The following RNF214 variants were observed in gnomAD, a reference collection of about 807,000 sequenced individuals.
The protein encoded by RNF214 is ring finger protein 214.
In RNF214, 25 loss-of-function variants were observed where a neutral mutation model predicts 75.9. The ratio of observed to expected loss-of-function variants is 0.33; its 90% CI spans 0.24 to 0.46. RNF214 has a LOEUF of 0.46. RNF214 is among the 20% of genes least tolerant of loss of function. The pLI, the probability that RNF214 is intolerant of heterozygous loss-of-function variation, is 1.00. For synonymous variants in RNF214, 314 were observed against 308.8 expected (o/e 1.02, Z -0.18); for missense variants, 725 against 857.5 (o/e 0.85, Z 1.93).
chr11:117,258,328 A>G (rs1458477854), intron 6 of RNF214, among the ~76,000 whole-genome samples: 4 of 152,050 alleles, frequency 2.6e-5, no homozygotes, highest in African/African-American at 4.8e-5. Context: ...GGCCTCCCAA[A>G]GTGCTGGGAT....
chr11:117,263,351 C>T (rs1037451884), intron 6 of RNF214, among the ~76,000 whole-genome samples: 4 of 151,902 alleles, frequency 2.6e-5, no homozygotes, highest in Non-Finnish European at 5.9e-5. Context: ...TCTCGGCTCA[C>T]TGCAACCTCC....
At position 117,285,503 on chromosome 11, in the gene RNF214, G is replaced by C. The variant is rs1267646436; in HGVS notation, c.*352G>C. On this transcript the variant is annotated 3_prime_UTR_variant, in exon 15 of 15. Transcript: ENST00000300650. ...CCTGCTGTTGCTCTAAGGCCATTCT[G>C]CTTTGGTTTGGCTCAGCCTCTAGTC... 5.6e-6 allele frequency: 1 copy of C among 179,218 alleles called. No homozygotes were observed. The highest frequency in any genetic ancestry group is 1.2e-5 in the Non-Finnish European group (1 of 85,416). 11.1% of individuals were successfully genotyped at this position (179,218 alleles called of 1,614,324 possible).
chr11:117,246,859 G>A lies in RNF214; in HGVS notation c.870G>A (p.Lys290=), dbSNP rs1294173383. Residue 290 remains lysine (K), a synonymous_variant, in exon 6 of 15, where the codon AAG becomes AAA. Coordinates refer to ENST00000300650, the MANE Select transcript of RNF214 (RefSeq NM_207343.4). ...TGACAATAAAGCGGGAAGAAACAAA[G>A]AAGAAGATAGAGAAAGAGAAGAAGG... The part of the protein sequence containing the change: ...QDVTIKREET[K]KKIEKEKKEF... The A allele has an allele frequency of 6.2e-7, 1 of 1,612,942 alleles. No individual in the cohort carries two copies. Among genetic ancestry groups the A allele is most frequent in the Non-Finnish European group, 8.5e-7 (1 of 1,179,398 alleles).
intron 4 of RNF214, among the ~76,000 whole-genome samples, chr11:117,241,271 G>C (rs926882608): frequency 6.6e-6 from 1 of 151,658 alleles, no homozygotes; most frequent in African/African-American, 2.4e-5. Context: ...AACCCAGGAG[G>C]CTGAGGTGGC....
At chr11:117,267,396 C>G (rs2033818274) in intron 6 of RNF214, among the ~76,000 whole-genome samples, 1 of 151,910 alleles carries the variant, frequency 6.6e-6, no homozygotes, top group South Asian at 2.1e-4. Flanking sequence ...ATTTTTCAAT[C>G]TGGTATGAAG....
rs1252146281 is a variant in RNF214, at chr11:117,239,842, A to C, written c.660A>C (p.Gln220His). ...CTGATTCAGAGGTAAACACAGATCA[A>C]GATATTGAAAAGAATTTGGTAAGTA... ...KTADSEVNTD[Q>H]DIEKNLDKMM... Residue 220 changes from glutamine to histidine, a missense_variant, in exon 4 of 15, where the codon CAA becomes CAC. Physicochemically the swap from Gln to His is conservative, Grantham distance 24. Transcript: ENST00000300650. The C allele has an allele frequency of 1.3e-6, 2 of 1,556,604 alleles. No homozygotes were observed. Among genetic ancestry groups the C allele is most frequent in the Admixed American group, 1.7e-5 (1 of 59,866 alleles).
chr11:117,255,868 C>G (rs1456527356), intron 6 of RNF214, among the ~76,000 whole-genome samples: 1 of 152,194 alleles, frequency 6.6e-6, no homozygotes, highest in Non-Finnish European at 1.5e-5. Flanking sequence ...GAAATCATTC[C>G]AAGATACAAA....
At position 117,286,365 on chromosome 11, in the gene RNF214, C is replaced by T. The variant is rs879443960; in HGVS notation, c.*1214C>T. ...TGGGAAAGCTGTGACTCTATTAGAG[C>T]TTTGAATCTTTTCCTATCCTTTTAT... On this transcript the variant is annotated 3_prime_UTR_variant, in exon 15 of 15. Coordinates refer to ENST00000300650, the MANE Select transcript of RNF214 (RefSeq NM_207343.4). 1.3e-5 allele frequency: 2 copies of T among 152,182 alleles called. No homozygotes were observed. Among genetic ancestry groups the T allele is most frequent in the Admixed American group, 6.6e-5 (1 of 15,266 alleles). 9.4% of individuals were successfully genotyped at this position (152,182 alleles called of 1,614,324 possible). A position where few individuals can be genotyped will look rare whatever the true frequency, so the allele number is the denominator to read the frequency against.
chr11:117,237,853 A>C (rs1202554668), intron 2 of RNF214, among the ~76,000 whole-genome samples: 1 of 152,182 alleles, frequency 6.6e-6, no homozygotes, highest in Non-Finnish European at 1.5e-5. Flanking sequence ...AAACTGTTGA[A>C]GAACCTAAAA....
chr11:117,269,127 G>T (rs2033856210), intron 6 of RNF214, among the ~76,000 whole-genome samples: 1 of 152,130 alleles, frequency 6.6e-6, no homozygotes, highest in Non-Finnish European at 1.5e-5. Context: ...CCCAAATGCT[G>T]GGTGCAGTTG....
chr11:117,267,593 G>A (rs2033823195), intron 6 of RNF214, among the ~76,000 whole-genome samples: 1 of 151,984 alleles, frequency 6.6e-6, no homozygotes, highest in Non-Finnish European at 1.5e-5. Context: ...GCCGAGAGTG[G>A]TAGTGCATGC....
chr11:117,249,494 T>G (rs892732672), intron 6 of RNF214, among the ~76,000 whole-genome samples: 4 of 152,190 alleles, frequency 2.6e-5, no homozygotes, highest in African/African-American at 7.2e-5. Context: ...CTCTTGTAGG[T>G]ATCTTTGTTC....
intron 6 of RNF214, among the ~76,000 whole-genome samples, chr11:117,257,738 TTAGAA>T (rs1284914763): frequency 6.6e-6 from 1 of 152,142 alleles, no homozygotes; most frequent in Non-Finnish European, 1.5e-5. Flanking sequence ...GGGAAATAGT[TTAGAA>T]TAGTAGTATG....
chr11:117,235,579 A>G (rs1376181127), intron 2 of RNF214, among the ~76,000 whole-genome samples: 12 of 143,216 alleles, frequency 8.4e-5, no homozygotes, highest in Middle Eastern at 3.8e-3. Flanking sequence ...GCTCACTGCA[A>G]CCTCCGTCTC....
intron 4 of RNF214, among the ~76,000 whole-genome samples, chr11:117,240,533 C>A (rs1009261026): frequency 2.7e-5 from 4 of 150,860 alleles, no homozygotes; most frequent in African/African-American, 9.7e-5. Context: ...ACTAAAAATA[C>A]AAAAATTAGC....
rs776242308 is a variant in RNF214, at chr11:117,244,440, A to G, written c.679-5A>G. 3 of 1,606,134 alleles carry G rather than the reference A, an allele frequency of 1.9e-6. No homozygotes were observed. Among genetic ancestry groups the G allele is most frequent in the Non-Finnish European group, 1.7e-6 (2 of 1,176,526 alleles). On this transcript the variant is annotated splice_polypyrimidine_tract_variant and splice_region_variant and intron_variant, in intron 4 of 14. Transcript: ENST00000300650. ...AATAAGCTTTTCTTGTCTTGTTCAT[A>G]ATAGGATAAAATGATGACAGAGAGA...
At chr11:117,241,555 G>C (rs2134360392) in intron 4 of RNF214, among the ~76,000 whole-genome samples, 1 of 151,122 alleles carries the variant, frequency 6.6e-6, no homozygotes, top group South Asian at 2.1e-4. Flanking sequence ...ACTCCAGCCT[G>C]GTGACAGAGT....
intron 6 of RNF214, among the ~76,000 whole-genome samples, chr11:117,252,756 C>A (rs574650565): frequency 6.6e-6 from 1 of 151,788 alleles, no homozygotes; most frequent in African/African-American, 2.4e-5. Context: ...TCCTGACCTC[C>A]TGTTCCGCCC....
Position 117,268,284 on chromosome 11 carries a change from A to T in RNF214, c.960-11624A>T, listed in dbSNP as rs188596117. 1.2e-4 allele frequency among the ~76,000 whole-genome samples: 18 copies of T among 152,338 alleles called. 1 individual carries two copies. The South Asian group carries it at 1.2e-3, about 11-fold the overall frequency. On this transcript the variant is annotated intron_variant, in intron 6 of 14. Transcript: ENST00000300650. ...TTCAGAGTTAGGCTCTTACCTTCCT[A>T]CTGGGAACTGGGAGATAGGGAAGCT...
Sources: gnomAD v4.1 joint callset for allele counts (sites outside exome capture counted in the v4.1 genomes callset) on GRCh38, gnomAD v4.1.1 for gene constraint, MANE v1.5 for transcripts, NCBI Gene and HGNC (gene_info 2026-07-23, HGNC 2026-07-21) for gene names.